The following MEIOB variants were observed in gnomAD, a reference collection of about 807,000 sequenced individuals.
MEIOB encodes the protein meiosis specific with OB-fold.
MEIOB carries 50 observed loss-of-function variants against 53.1 expected under a neutral mutation model. The observed-to-expected ratio is 0.94, with a 90% CI of 0.75 to 1.19. The LOEUF is 1.19. Among genes scored for constraint, MEIOB ranks in the 50% most tolerant of loss-of-function variants. The pLI, the probability that MEIOB is intolerant of heterozygous loss-of-function variation, is 0.00. For synonymous variants in MEIOB, 192 were observed against 182.5 expected, an observed-to-expected ratio of 1.05 and a Z score of -0.42; for missense variants, 551 against 550.8, an observed-to-expected ratio of 1.00 and a Z score of 0.00.
chr16:1,834,114 ACCT>A lies in MEIOB; in HGVS notation c.*139_*141del. ...AGAGGCCTTCAGACTCACCCAGACC[ACCT>A]CCACCATAACAATTTCTAGAAACAT... On this transcript the variant is annotated 3_prime_UTR_variant, in exon 14 of 14. Coordinates refer to ENST00000325962, the MANE Select transcript of MEIOB (RefSeq NM_001163560.3). The A allele has an allele frequency of 1.7e-6, 1 of 591,762 alleles. No homozygotes were observed. The highest frequency in any genetic ancestry group is 3.1e-5 in the Admixed American group (1 of 32,480). The allele number at this position is 591,762 out of a possible 1,614,324, so 36.7% of individuals were successfully genotyped here. A position where few individuals can be genotyped will look rare whatever the true frequency, so the allele number is the denominator to read the frequency against.
chr16:1,845,410 G>T (rs933657578), intron 9 of MEIOB, among the ~76,000 whole-genome samples: 2 of 151,920 alleles, frequency 1.3e-5, no homozygotes, highest in Admixed American at 1.3e-4. Context: ...GTCCCAGCTA[G>T]TTGGGAGGCT....
chr16:1,860,199 A>C (rs1343686893), intron 5 of MEIOB, among the ~76,000 whole-genome samples: 1 of 152,256 alleles, frequency 6.6e-6, no homozygotes, highest in Non-Finnish European at 1.5e-5. Flanking sequence ...GAATCAAAGT[A>C]CTAAAACCAA....
At chr16:1,865,592 G>C (rs1899573967) in intron 3 of MEIOB, among the ~76,000 whole-genome samples, 186 bp downstream of exon 3, 1 of 151,914 alleles carries the variant, frequency 6.6e-6, no homozygotes, top group Non-Finnish European at 1.5e-5. Context: ...TAGAGAGAGA[G>C]AGAGAATGTG....
rs540958996 is a variant in MEIOB at position 1,863,430 on chromosome 16, A to T, written c.128-1314T>A. 4.6e-5 allele frequency among the ~76,000 whole-genome samples: 7 copies of T among 150,700 alleles called. No individual in the cohort carries two copies. In the East Asian group the frequency reaches 1.4e-3, roughly 29 times the overall value. On this transcript the variant is annotated intron_variant, in intron 3 of 13. Coordinates refer to ENST00000325962, the MANE Select transcript of MEIOB (RefSeq NM_001163560.3). The stretch of plus-strand genomic sequence containing the variant: ...AGACGGAGTTTCGCTCTTGTTACCC[A>T]GGCTGGAGTGCAATGGCGCGATCTC...
intron 4 of MEIOB, 61 bp downstream of exon 4, chr16:1,861,924 A>G (rs1899453450): frequency 1.4e-6 from 2 of 1,472,606 alleles, no homozygotes; most frequent in Non-Finnish European, 1.8e-6. Flanking sequence ...TATAGTTACC[A>G]TAAACATACC....
chr16:1,869,617 T>G (rs992771174), intron 1 of MEIOB, among the ~76,000 whole-genome samples: 1 of 150,882 alleles, frequency 6.6e-6, no homozygotes, highest in Non-Finnish European at 1.5e-5. Context: ...CTGGCTAATT[T>G]TGTTTTTGCA....
Position 1,839,256 on chromosome 16 carries a change from G to A in MEIOB, c.1217C>T (p.Thr406Met), listed in dbSNP as rs377366231. Residue 406 changes from threonine (T) to methionine (M), a missense_variant and splice_region_variant, in exon 12 of 14, where the codon ACG becomes ATG. Thr to Met is a moderately conservative substitution (Grantham distance 81). Coordinates refer to ENST00000325962, the MANE Select transcript of MEIOB (RefSeq NM_001163560.3). ...GSVAEETLGC[T>M]VHEFLAMTDE... is the part of the protein sequence containing the mutation. ...CATTTCTTCCTTTTTGCTATTTACCGTGCAGCCCAAAGTCTCCTCAGCAAC... is the reference window on the plus strand; with the variant it reads ...CATTTCTTCCTTTTTGCTATTTACCATGCAGCCCAAAGTCTCCTCAGCAAC... The A allele has an allele frequency of 1.2e-4, 188 of 1,586,090 alleles. 1 individual carries two copies. The highest frequency in any genetic ancestry group is 4.6e-4 in the African/African-American group (34 of 73,618).
chr16:1,852,917 C>A, intron 9 of MEIOB, 122 bp downstream of exon 9: 1 of 653,288 alleles, frequency 1.5e-6, no homozygotes, highest in Non-Finnish European at 2.5e-6. Flanking sequence ...TTATATAAAG[C>A]AATTTTTACT....
chr16:1,846,643 C>G (rs1201775896), intron 9 of MEIOB, among the ~76,000 whole-genome samples: 1 of 152,150 alleles, frequency 6.6e-6, no homozygotes, highest in East Asian at 1.9e-4. Context: ...AGATCATGTC[C>G]TTTGCAGAGA....
At chr16:1,844,615 T>C (rs1318073938) in intron 10 of MEIOB, among the ~76,000 whole-genome samples, 4 of 151,744 alleles carry the variant, frequency 2.6e-5, no homozygotes, top group African/African-American at 9.7e-5. Flanking sequence ...GCACATCCCA[T>C]GATACCTGGC....
In MEIOB at chr16:1,837,643, AGG is replaced by A. The variant is rs1898785365; in HGVS notation, c.1305+139_1305+140del. On this transcript the variant is annotated intron_variant, in intron 13 of 13. Transcript: ENST00000325962. Reference sequence around the variant, plus strand: ...ACCCCTGGCTATTTCCTTTGCTTTTAGGATAGCTGAATCCTTATGCACATCTG... The same window carrying A: ...ACCCCTGGCTATTTCCTTTGCTTTTAATAGCTGAATCCTTATGCACATCTG... 2.3e-5 allele frequency: 11 copies of A among 487,774 alleles called. No individual in the cohort carries two copies. In the South Asian group the frequency reaches 5.3e-4, roughly 24 times the overall value. 30.2% of individuals were successfully genotyped at this position (487,774 alleles called of 1,614,324 possible).
At chr16:1,840,538 C>A (rs977088613) in intron 11 of MEIOB, among the ~76,000 whole-genome samples, 4 of 72,416 alleles carry the variant, frequency 5.5e-5, no homozygotes, top group African/African-American at 2.5e-4. Flanking sequence ...AGGGATCTCT[C>A]TTATTATTAT....
chr16:1,865,820 C>G lies in MEIOB; in HGVS notation c.85G>C (p.Val29Leu). ...CCTTTGACATCTGTTTTCCCAATAA[C>G]TATACCGATAACTTTCTGAAAAACA... is the stretch of plus-strand genomic sequence containing the variant. ...NMANLKVIGI[V>L]IGKTDVKGFP... Residue 29 changes from valine (V) to leucine (L), a missense_variant, in exon 3 of 14, where the codon GTT becomes CTT. By Grantham distance (32) the Val-to-Leu change is conservative (BLOSUM62 1). Transcript: ENST00000325962. 6.5e-7 allele frequency: 1 copy of G among 1,548,194 alleles called. No individual in the cohort carries two copies. Among genetic ancestry groups the G allele is most frequent in the Non-Finnish European group, 8.7e-7 (1 of 1,145,958 alleles).
In MEIOB at chr16:1,834,056, TAGG is replaced by T; in HGVS notation, c.*197_*199del. The stretch of plus-strand genomic sequence containing the variant: ...TTGGGAGGAGACAAGGCAAAGACAG[TAGG>T]AGGCCTTCTAAGAAGGGAGGTCAGA... On this transcript the variant is annotated 3_prime_UTR_variant, in exon 14 of 14. Transcript: ENST00000325962. The T allele has an allele frequency of 2.1e-6, 1 of 474,452 alleles. No individual in the cohort carries two copies. Among genetic ancestry groups the T allele is most frequent in the Non-Finnish European group, 3.7e-6 (1 of 269,058 alleles). The allele number at this position is 474,452 out of a possible 1,614,324, so 29.4% of individuals were successfully genotyped here. A position where few individuals can be genotyped will look rare whatever the true frequency, so the allele number is the denominator to read the frequency against.
At chr16:1,842,739 C>T (rs562254305) in intron 10 of MEIOB, among the ~76,000 whole-genome samples, 2 of 151,090 alleles carry the variant, frequency 1.3e-5, no homozygotes, top group East Asian at 4.0e-4. Context: ...TCTCGGCTCA[C>T]TGCAAGCTCC....
chr16:1,857,975 G>C lies in MEIOB; in HGVS notation c.333-45C>G, dbSNP rs187126999. 103 of 1,283,198 alleles carry C rather than the reference G, an allele frequency of 8.0e-5. 1 individual carries two copies. The highest frequency in any genetic ancestry group is 4.3e-6 in the Non-Finnish European group (4 of 934,026). The allele number at this position is 1,283,198 out of a possible 1,614,324, so 79.5% of individuals were successfully genotyped here. The stretch of plus-strand genomic sequence containing the variant: ...GAAAGTTATTTGAAAGTGATCTTTG[G>C]AAAGAAAAATATTTCCAGGTCCACA... On this transcript the variant is annotated intron_variant, in intron 5 of 13. Transcript: ENST00000325962.
At chr16:1,867,462 ATTTTTTTTTT>A (rs869208139) in intron 2 of MEIOB, among the ~76,000 whole-genome samples, 1 of 102,928 alleles carries the variant, frequency 9.7e-6, no homozygotes. Context: ...AAATGGTTTA[ATTTTTTTTTT>A]TTTTTTTTTT....
Position 1,838,661 on chromosome 16 carries a change from A to G in MEIOB, c.1218+594T>C, listed in dbSNP as rs532249756. Among the ~76,000 whole-genome samples, 61 of 152,100 alleles carry G rather than the reference A, an allele frequency of 4.0e-4. 1 individual carries two copies. In the South Asian group the frequency reaches 0.012, roughly 29 times the overall value. ...TTGTTTTACCCATCGTTACTTGACT[A>G]TATCAAACATCATGTTTCCTTAGTG... On this transcript the variant is annotated intron_variant, in intron 12 of 13. Coordinates refer to ENST00000325962, the MANE Select transcript of MEIOB (RefSeq NM_001163560.3).
intron 6 of MEIOB, among the ~76,000 whole-genome samples, chr16:1,857,293 C>T (rs1211760047): frequency 2.0e-5 from 3 of 152,160 alleles, no homozygotes; most frequent in Admixed American, 6.5e-5. Context: ...AGCCCTACAG[C>T]AGGGCAGCGT....
Sources: gnomAD v4.1 joint callset for allele counts (sites outside exome capture counted in the v4.1 genomes callset) on GRCh38, gnomAD v4.1.1 for gene constraint, MANE v1.5 for transcripts, NCBI Gene and HGNC (gene_info 2026-07-23, HGNC 2026-07-21) for gene names.